LRP1B: variants seen among roughly 807,000 people sequenced by gnomAD.
The protein encoded by LRP1B is low-density lipoprotein receptor-related protein 1B.
Under a neutral mutation model 556.6 loss-of-function variants are expected in LRP1B, and 217 were observed. The observed-to-expected ratio is 0.39, with a 90% CI of 0.35 to 0.44. The LOEUF is 0.44. Ranked by LOEUF, LRP1B falls within the 20% of genes least tolerant of loss-of-function variation. The probability of loss-of-function intolerance (pLI) is 1.00; values close to 1 mark genes in which losing one functional copy is unlikely to be tolerated. For synonymous variants in LRP1B, 2,047 were observed against 1,865.8 expected, an observed-to-expected ratio of 1.10 and a Z score of -2.50; for missense variants, 5,053 against 5,620.8, an observed-to-expected ratio of 0.90 and a Z score of 3.23.
At chr2:141,442,278 A>T (rs1681005896) in intron 3 of LRP1B, among the ~76,000 whole-genome samples, 2 of 152,194 alleles carry the variant, frequency 1.3e-5, no homozygotes, top group African/African-American at 2.4e-5. Context: ...ATGAGAAAAT[A>T]AAAGTTAAGG....
Position 140,702,467 on chromosome 2 carries a change from A to G in LRP1B, c.6110T>C (p.Met2037Thr). The G allele has an allele frequency of 6.2e-7, 1 of 1,613,598 alleles. No homozygotes were observed. The highest frequency in any genetic ancestry group is 8.5e-7 in the Non-Finnish European group (1 of 1,179,704). The change falls in exon 38 of 91, where the codon ATG (methionine) becomes ACG (threonine). Residue 2037 changes from methionine (M) to threonine (T), a missense_variant. Met to Thr is a moderately conservative substitution (Grantham distance 81, BLOSUM62 -1). Transcript: ENST00000389484. ...GATGCCATTCGGCCATGCTATTCCC[A>G]TGCTTACAAGGACAACCTTCTCTGA... is the stretch of plus-strand genomic sequence containing the variant. The part of the protein sequence containing the change: ...DGSEKVVLVS[M>T]GIAWPNGISI...
chr2:141,755,279 A>G (rs1434470768), intron 2 of LRP1B, among the ~76,000 whole-genome samples: 1 of 152,124 alleles, frequency 6.6e-6, no homozygotes, highest in Non-Finnish European at 1.5e-5. Flanking sequence ...TATGGAAGTT[A>G]GAATCCCTAA....
At chr2:140,714,542 T>A (rs2105457684) in intron 37 of LRP1B, among the ~76,000 whole-genome samples, 1 of 152,302 alleles carries the variant, frequency 6.6e-6, no homozygotes, top group African/African-American at 2.4e-5. Context: ...TGTATGAATC[T>A]ATAATAGGGT....
intron 2 of LRP1B, among the ~76,000 whole-genome samples, chr2:141,764,753 A>C (rs2164695): frequency 0.13 from 20,181 of 152,098 alleles, 1,467 homozygotes; most frequent in Non-Finnish European, 0.16. Context: ...AAATGTTTAT[A>C]ACTATGATAG....
intron 41 of LRP1B, among the ~76,000 whole-genome samples, chr2:140,630,349 C>T (rs2105274941): frequency 6.6e-6 from 1 of 152,274 alleles, no homozygotes; most frequent in Middle Eastern, 3.4e-3. Flanking sequence ...CTCCATTTCG[C>T]ACAATAAGAG....
At chr2:140,636,444 C>A (rs1684073174) in intron 41 of LRP1B, among the ~76,000 whole-genome samples, 1 of 152,092 alleles carries the variant, frequency 6.6e-6, no homozygotes. Context: ...ATTACCATCA[C>A]ATTGTTCCTT....
At chr2:141,674,390 C>T (rs978501159) in intron 2 of LRP1B, among the ~76,000 whole-genome samples, 3 of 152,052 alleles carry the variant, frequency 2.0e-5, no homozygotes, top group African/African-American at 7.2e-5. Flanking sequence ...CACAGAGCAA[C>T]GTTTTCCCAT....
At chr2:140,680,810 C>T (rs1685834936) in intron 41 of LRP1B, among the ~76,000 whole-genome samples, 1 of 152,088 alleles carries the variant, frequency 6.6e-6, no homozygotes, top group Admixed American at 6.5e-5. Context: ...TAAGACGAAC[C>T]TCTAAAAACC....
intron 15 of LRP1B, among the ~76,000 whole-genome samples, chr2:140,998,816 C>T (rs1217544585): frequency 6.6e-6 from 1 of 152,046 alleles, no homozygotes; most frequent in Non-Finnish European, 1.5e-5. Context: ...GTCAATTTAA[C>T]AAGGATGGCT....
chr2:140,649,174 T>G (rs1369918357), intron 41 of LRP1B, among the ~76,000 whole-genome samples: 1 of 152,164 alleles, frequency 6.6e-6, no homozygotes. Context: ...TTCACAATAC[T>G]GTTTGTCTTC....
intron 33 of LRP1B, among the ~76,000 whole-genome samples, chr2:140,771,585 A>G (rs1035487274): frequency 1.3e-5 from 2 of 152,194 alleles, no homozygotes; most frequent in African/African-American, 4.8e-5. Context: ...TAATTGGCAT[A>G]TTAATTCCTC....
At chr2:141,574,480 C>A (rs991520666) in intron 2 of LRP1B, among the ~76,000 whole-genome samples, 1 of 152,038 alleles carries the variant, frequency 6.6e-6, no homozygotes, top group Non-Finnish European at 1.5e-5. Context: ...AAACCCACAG[C>A]GTCAGTATCA....
chr2:141,293,990 A>G (rs566369277), intron 3 of LRP1B, among the ~76,000 whole-genome samples: 1 of 152,276 alleles, frequency 6.6e-6, no homozygotes, highest in South Asian at 2.1e-4. Context: ...GATTTCAAAT[A>G]TACGTAGCAA....
chr2:140,967,476 C>A (rs1696266095), intron 18 of LRP1B, among the ~76,000 whole-genome samples: 1 of 152,176 alleles, frequency 6.6e-6, no homozygotes, highest in Admixed American at 6.5e-5. Context: ...ACAATCATGT[C>A]ATCTGCAAAC....
At chr2:140,250,239 C>A (rs1214584945) in intron 86 of LRP1B, among the ~76,000 whole-genome samples, 1 of 151,698 alleles carries the variant, frequency 6.6e-6, no homozygotes, top group African/African-American at 2.4e-5. Context: ...GTCTTAGGAC[C>A]ATAAAAATCA....
At chr2:141,302,084 C>G (rs1436882766) in intron 3 of LRP1B, among the ~76,000 whole-genome samples, 2 of 151,912 alleles carry the variant, frequency 1.3e-5, no homozygotes, top group Admixed American at 6.6e-5. Flanking sequence ...GGAAAAAATT[C>G]AAGAGCTTGA....
intron 2 of LRP1B, among the ~76,000 whole-genome samples, chr2:141,494,689 C>T (rs1321192310): frequency 6.6e-6 from 1 of 150,544 alleles, no homozygotes; most frequent in African/African-American, 2.4e-5. Context: ...CTTCTCTTTC[C>T]TCATAGACCT....
At chr2:141,319,224 TG>T (rs1370013865) in intron 3 of LRP1B, among the ~76,000 whole-genome samples, 2 of 151,950 alleles carry the variant, frequency 1.3e-5, no homozygotes, top group Non-Finnish European at 2.9e-5. Context: ...TTCATGAACT[TG>T]TCCTAAAATA....
intron 1 of LRP1B, among the ~76,000 whole-genome samples, chr2:142,086,135 A>ACAAGAGTGAAAATGTGTCATTTTC (rs1359294362): frequency 1.3e-5 from 2 of 152,210 alleles, no homozygotes; most frequent in African/African-American, 2.4e-5. Flanking sequence ...AACTGTCTCA[A>ACAAGAGTGAAAATGTGTCATTTTC]CAAGAGTGAA....
Sources: allele counts gnomAD v4.1 joint callset (sites outside exome capture counted in the v4.1 genomes callset), GRCh38; gene constraint gnomAD v4.1.1; transcripts MANE v1.5; gene names NCBI Gene and HGNC (gene_info 2026-07-23, HGNC 2026-07-21).